Variants in ZNF30 observed in about 807,000 individuals in gnomAD.
ZNF30 encodes zinc finger protein 30 (KOX 28).
A neutral mutation model predicts 13.2 loss-of-function variants in ZNF30; 15 were observed. That is an observed-to-expected ratio of 1.13 (90% CI 0.76 to 1.75). The LOEUF is 1.75. ZNF30 is among the 40% of genes most tolerant of loss of function. ZNF30 has a pLI of 0.00. For synonymous variants in ZNF30, 223 were observed against 256.6 expected, an observed-to-expected ratio of 0.87 and a Z score of 1.25; for missense variants, 726 against 757.0, an observed-to-expected ratio of 0.96 and a Z score of 0.48.
At chr19:34,928,993 G>A (rs571121504) in intron 1 of ZNF30, among the ~76,000 whole-genome samples, 7 of 151,468 alleles carry the variant, frequency 4.6e-5, no homozygotes, top group Admixed American at 1.3e-4. Flanking sequence ...CATAGTAAGA[G>A]CTAACTCGGC....
intron 4 of ZNF30, among the ~76,000 whole-genome samples, chr19:34,935,035 C>G (rs887757076): frequency 6.6e-6 from 1 of 152,082 alleles, no homozygotes. Context: ...CGAGACCATC[C>G]TGGCTAACAT....
At chr19:34,933,882 C>A (rs2151667406) in intron 4 of ZNF30, among the ~76,000 whole-genome samples, 159 bp downstream of exon 4, 2 of 152,238 alleles carry the variant, frequency 1.3e-5, no homozygotes, top group Admixed American at 1.3e-4. Context: ...AATATCTCAC[C>A]AGCCTCACAA....
chr19:34,943,198 A>T, intron 4 of ZNF30, 25 bp from the exon 5 acceptor site: 1 of 1,418,714 alleles, frequency 7.0e-7, no homozygotes, highest in Non-Finnish European at 9.2e-7. Context: ...TAGAAAAATA[A>T]GATATTTTTA....
chr19:34,938,071 C>A (rs1215849900), intron 4 of ZNF30, among the ~76,000 whole-genome samples: 3 of 152,048 alleles, frequency 2.0e-5, no homozygotes. Context: ...GCTGGGATTA[C>A]AGGTGTGAGC....
chr19:34,932,056 T>C, intron 3 of ZNF30, 63 bp downstream of exon 3: 2 of 1,414,714 alleles, frequency 1.4e-6, no homozygotes, highest in Non-Finnish European at 1.9e-6. Context: ...CCTTTGCAGA[T>C]TTTAGGGCTA....
At chr19:34,929,813 G>T in intron 1 of ZNF30, 71 bp from the exon 2 acceptor site, 1 of 788,292 alleles carries the variant, frequency 1.3e-6, no homozygotes, top group East Asian at 2.8e-5. Context: ...GAAATGAAGG[G>T]ACAGGAAGGT....
Position 34,943,324 on chromosome 19 carries a change from C to T in ZNF30, c.358C>T (p.Arg120Cys), listed in dbSNP as rs372094110. ...TCAGAAAATAAGTAGACAGAAACCA[C>T]GTGAATGTCAGGAATATGGAAAGAC... ...LHQKISRQKPRECQEYGKTLC... is the reference protein window; with the variant it reads ...LHQKISRQKPCECQEYGKTLC... Residue 120 changes from arginine (R) to cysteine (C), a missense_variant, in exon 5 of 5, where the codon CGT (arginine) becomes TGT (cysteine). Physicochemically the swap from Arg to Cys is radical, Grantham distance 180. Coordinates refer to ENST00000601142, the MANE Select transcript of ZNF30 (RefSeq NM_194325.3). 152 of 1,613,716 alleles carry T rather than the reference C, an allele frequency of 9.4e-5. No homozygotes were observed. Among genetic ancestry groups the T allele is most frequent in the Non-Finnish European group, 1.2e-4 (141 of 1,179,866 alleles).
intron 4 of ZNF30, among the ~76,000 whole-genome samples, chr19:34,936,559 A>G (rs1161172680): frequency 1.3e-5 from 2 of 152,176 alleles, no homozygotes; most frequent in African/African-American, 4.8e-5. Context: ...GCTGTGGAAT[A>G]TGCAAGTCTG....
chr19:34,942,672 A>T (rs2013105023), intron 4 of ZNF30: 1 of 1,286,696 alleles, frequency 7.8e-7, no homozygotes, highest in African/African-American at 1.5e-5. Flanking sequence ...TGGAACCAAA[A>T]GGTGAGAAAA....
intron 4 of ZNF30, among the ~76,000 whole-genome samples, chr19:34,934,124 G>A (rs1457111020): frequency 6.6e-6 from 1 of 152,004 alleles, no homozygotes; most frequent in Non-Finnish European, 1.5e-5. Context: ...GACATGCCAA[G>A]CAGAGGGAAT....
intron 4 of ZNF30, among the ~76,000 whole-genome samples, chr19:34,941,472 C>T (rs560690322): frequency 1.9e-4 from 29 of 152,208 alleles, no homozygotes; most frequent in Non-Finnish European, 4.1e-4. Context: ...GCCATGTTGG[C>T]CAGGCTGGTC....
At chr19:34,939,683 G>A (rs1022495287) in intron 4 of ZNF30, among the ~76,000 whole-genome samples, 13 of 152,194 alleles carry the variant, frequency 8.5e-5, no homozygotes, top group Non-Finnish European at 1.5e-4. Flanking sequence ...TTTCAAAGGT[G>A]TGCAGGTTTT....
rs774132048 is a variant in ZNF30, at chr19:34,943,609, G to A, written c.643G>A (p.Gly215Ser). Residue 215 changes from glycine to serine, a missense_variant, in exon 5 of 5, where the codon GGT becomes AGT. Physicochemically the swap from Gly to Ser is moderately conservative, Grantham distance 56. Transcript: ENST00000601142. ...KCKQCGKTIS[G>S]SYQLTVHKSI... ...TAAGCAATGTGGAAAGACTATTAGTGGTAGCTATCAACTTACAGTACATAA... is the reference window on the plus strand; with the variant it reads ...TAAGCAATGTGGAAAGACTATTAGTAGTAGCTATCAACTTACAGTACATAA... 13 of 1,613,418 alleles carry A rather than the reference G, an allele frequency of 8.1e-6. No individual in the cohort carries two copies. Among genetic ancestry groups the A allele is most frequent in the South Asian group, 2.2e-5 (2 of 90,972 alleles).
At chr19:34,943,174 A>G in intron 4 of ZNF30, 49 bp from the exon 5 acceptor site, 1 of 1,365,196 alleles carries the variant, frequency 7.3e-7, no homozygotes, top group Non-Finnish European at 9.6e-7. Flanking sequence ...TCTTCCCTAG[A>G]ATTTTTTTTC....
intron 4 of ZNF30, among the ~76,000 whole-genome samples, chr19:34,934,624 A>G (rs2012626251): frequency 6.6e-6 from 1 of 152,210 alleles, no homozygotes; most frequent in African/African-American, 2.4e-5. Flanking sequence ...CATTTTTCCA[A>G]TTTTTGAATT....
chr19:34,943,077 C>CTTT, intron 4 of ZNF30, 146 bp from the exon 5 acceptor site: 2 of 478,142 alleles, frequency 4.2e-6, no homozygotes, highest in East Asian at 3.8e-5. Flanking sequence ...CTCTGCATTC[C>CTTT]TTTTTTTTTT....
intron 2 of ZNF30, among the ~76,000 whole-genome samples, chr19:34,931,340 G>A (rs1018142438): frequency 1.3e-5 from 2 of 152,052 alleles, no homozygotes; most frequent in Non-Finnish European, 2.9e-5. Context: ...TAACTTTTAT[G>A]TCACTTTGGA....
In ZNF30 at chr19:34,929,968, T is replaced by C; in HGVS notation, c.9+12T>C. On this transcript the variant is annotated intron_variant, in intron 2 of 4. Transcript: ENST00000601142. ...AAAGCATGGCCCATGTAAGTTGGTG[T>C]TTCTTCTTGAAATATGGGGATTTTT... is the stretch of plus-strand genomic sequence containing the variant. 1 of 1,604,550 alleles carries C rather than the reference T, an allele frequency of 6.2e-7. No homozygotes were observed. Among genetic ancestry groups the C allele is most frequent in the South Asian group, 1.1e-5 (1 of 88,970 alleles).
Position 34,930,371 on chromosome 19 carries a change from T to C in ZNF30, c.9+415T>C, listed in dbSNP as rs147409779. Among the ~76,000 whole-genome samples, 149 of 152,318 alleles carry C rather than the reference T, an allele frequency of 9.8e-4. 1 individual carries two copies. The highest frequency in any genetic ancestry group is 3.0e-3 in the African/African-American group (126 of 41,572). ...TTTGTATTGATTGGTCTCAATATGA[T>C]GAGATAACATGCTCTATGAGGCTTT... On this transcript the variant is annotated intron_variant, in intron 2 of 4. Coordinates refer to ENST00000601142, the MANE Select transcript of ZNF30 (RefSeq NM_194325.3).
Sources: allele counts gnomAD v4.1 joint callset (sites outside exome capture counted in the v4.1 genomes callset), GRCh38; gene constraint gnomAD v4.1.1; transcripts MANE v1.5; gene names NCBI Gene and HGNC (gene_info 2026-07-23, HGNC 2026-07-21).